Variants in THSD7B observed in about 807,000 individuals in gnomAD.
THSD7B encodes thrombospondin type 1 domain containing 7B, also known as thrombospondin type-1 domain-containing protein 7B.
THSD7B carries 138 observed loss-of-function variants against 213.6 expected under a neutral mutation model. The ratio of observed to expected loss-of-function variants is 0.65; its 90% CI spans 0.56 to 0.74. THSD7B has a LOEUF of 0.74. THSD7B is among the 30% of genes least tolerant of loss of function. The pLI is 0.00. For missense variants in THSD7B, 1,931 were observed against 1,991.5 expected (o/e 0.97, Z 0.58); for synonymous variants, 742 against 687.0 (o/e 1.08, Z -1.25).
chr2:137,171,946 C>T (rs1000450236), intron 7 of THSD7B, among the ~76,000 whole-genome samples: 3 of 151,972 alleles, frequency 2.0e-5, no homozygotes, highest in Admixed American at 1.3e-4. Flanking sequence ...AATTAAAGGG[C>T]AATAACAGAT....
intron 1 of THSD7B, among the ~76,000 whole-genome samples, chr2:136,770,523 C>T (rs926265674): frequency 3.9e-5 from 6 of 152,128 alleles, no homozygotes; most frequent in African/African-American, 1.4e-4. Context: ...TCTGAAGGTC[C>T]CACTATCATC....
intron 3 of THSD7B, among the ~76,000 whole-genome samples, chr2:137,080,244 A>G (rs1687717597): frequency 1.3e-5 from 2 of 151,794 alleles, no homozygotes; most frequent in African/African-American, 4.8e-5. Flanking sequence ...TTCATCACCC[A>G]GGCTGGGGTG....
At chr2:137,674,028 A>G (rs1683641067) in intron 27 of THSD7B, among the ~76,000 whole-genome samples, 1 of 152,192 alleles carries the variant, frequency 6.6e-6, no homozygotes, top group South Asian at 2.1e-4. Context: ...TGGTATAAAC[A>G]TATTTGTGTA....
intron 26 of THSD7B, among the ~76,000 whole-genome samples, chr2:137,665,549 A>G (rs1268814334): frequency 6.6e-6 from 1 of 152,050 alleles, no homozygotes; most frequent in Non-Finnish European, 1.5e-5. Flanking sequence ...TGGTGAGGGT[A>G]TAAATTAGAG....
chr2:137,174,241 G>A (rs1355917023), intron 7 of THSD7B, among the ~76,000 whole-genome samples: 1 of 152,096 alleles, frequency 6.6e-6, no homozygotes, highest in Non-Finnish European at 1.5e-5. Context: ...TCCCTGCCAA[G>A]TATCTATGTC....
chr2:136,863,559 G>A lies in THSD7B; in HGVS notation c.-35-18585G>A, dbSNP rs953862228. ...AATCTACTACTGAATGAAATCAGCC[G>A]AAAGATGGCTGTCGCAGTGACTATC... On this transcript the variant is annotated intron_variant, in intron 1 of 27. Coordinates refer to ENST00000409968, the MANE Select transcript of THSD7B (RefSeq NM_001316349.2). Among the ~76,000 whole-genome samples the A allele has an allele frequency of 4.6e-4, 70 of 152,166 alleles. 1 individual carries two copies. Among genetic ancestry groups the A allele is most frequent in the Non-Finnish European group, 1.5e-4 (10 of 68,030 alleles).
At chr2:137,576,408 T>A (rs1174855085) in intron 17 of THSD7B, among the ~76,000 whole-genome samples, 4 of 152,080 alleles carry the variant, frequency 2.6e-5, no homozygotes, top group African/African-American at 9.7e-5. Context: ...CAAGCATCCC[T>A]TCACATAGTG....
chr2:137,243,417 C>G (rs1681958295), intron 10 of THSD7B, among the ~76,000 whole-genome samples: 1 of 152,226 alleles, frequency 6.6e-6, no homozygotes, highest in Admixed American at 6.5e-5. Flanking sequence ...AATATTACCT[C>G]TAATGCCCAG....
chr2:136,872,814 CAAAAAAAA>C (rs60759275), intron 1 of THSD7B, among the ~76,000 whole-genome samples: 1 of 65,540 alleles, frequency 1.5e-5, no homozygotes, highest in African/African-American at 6.5e-5. Context: ...ACTGAAAATA[CAAAAAAAA>C]AAAAAAAAAA....
At chr2:137,671,571 A>C (rs1205951680) in intron 27 of THSD7B, among the ~76,000 whole-genome samples, 2 of 152,156 alleles carry the variant, frequency 1.3e-5, no homozygotes, top group Non-Finnish European at 2.9e-5. Flanking sequence ...AGCAGAATGG[A>C]TTGAGTGCTG....
chr2:137,452,137 A>C, intron 15 of THSD7B: 1 of 507,246 alleles, frequency 2.0e-6, no homozygotes, highest in South Asian at 8.5e-5. Context: ...AATTAAAAAA[A>C]AATTCAACAA....
At chr2:137,143,267 T>C (rs1288875045) in intron 5 of THSD7B, among the ~76,000 whole-genome samples, 1 of 152,194 alleles carries the variant, frequency 6.6e-6, no homozygotes, top group African/African-American at 2.4e-5. Flanking sequence ...TGTTTTAATA[T>C]AGTCCCCAGT....
intron 7 of THSD7B, among the ~76,000 whole-genome samples, chr2:137,182,062 C>A (rs1680465867): frequency 6.6e-6 from 1 of 152,036 alleles, no homozygotes; most frequent in South Asian, 2.1e-4. Context: ...TTCACTTATC[C>A]AGAAGGGCCA....
chr2:137,609,204 C>T (rs779760264), intron 17 of THSD7B, among the ~76,000 whole-genome samples: 7 of 152,026 alleles, frequency 4.6e-5, no homozygotes, highest in Non-Finnish European at 8.8e-5. Context: ...CTCTAAAGCC[C>T]ATGAGCCTAT....
intron 5 of THSD7B, among the ~76,000 whole-genome samples, chr2:137,124,919 CTG>C (rs1688606413): frequency 6.6e-6 from 1 of 152,012 alleles, no homozygotes. Context: ...ATGTGATAAA[CTG>C]TAGTCACCAT....
intron 12 of THSD7B, among the ~76,000 whole-genome samples, chr2:137,296,736 A>G (rs4408774): frequency 6.6e-6 from 1 of 152,030 alleles, no homozygotes; most frequent in African/African-American, 2.4e-5. Flanking sequence ...TTATCATTGA[A>G]AACAACAACT....
chr2:137,004,344 C>CAA (rs1189414507), intron 2 of THSD7B, among the ~76,000 whole-genome samples: 4 of 134,918 alleles, frequency 3.0e-5, no homozygotes, highest in African/African-American at 1.1e-4. Context: ...CACACACACA[C>CAA]ACAAACTTAT....
intron 2 of THSD7B, among the ~76,000 whole-genome samples, chr2:136,993,243 T>G (rs973912584): frequency 2.6e-5 from 4 of 152,242 alleles, no homozygotes; most frequent in African/African-American, 9.6e-5. Context: ...CACACATTTC[T>G]TAGGCATCTC....
At chr2:137,246,970 C>G (rs961401112) in intron 10 of THSD7B, among the ~76,000 whole-genome samples, 1 of 152,008 alleles carries the variant, frequency 6.6e-6, no homozygotes, top group Non-Finnish European at 1.5e-5. Context: ...AGGATATCTG[C>G]GATAAATTCT....
Sources: allele counts gnomAD v4.1 joint callset (sites outside exome capture counted in the v4.1 genomes callset), GRCh38; gene constraint gnomAD v4.1.1; transcripts MANE v1.5; gene names NCBI Gene and HGNC (gene_info 2026-07-23, HGNC 2026-07-21).